The following CCDC179 variants were observed in gnomAD, a reference collection of about 807,000 sequenced individuals.
The protein encoded by CCDC179 is coiled-coil domain containing 179.
Under a neutral mutation model 12.0 loss-of-function variants are expected in CCDC179, and 17 were observed. The observed-to-expected ratio is 1.42, with a 90% CI of 0.97 to 2.13. The LOEUF (loss-of-function observed/expected upper bound fraction) is 2.13, where lower values mean the gene tolerates loss of function less well. CCDC179 is among the 30% of genes most tolerant of loss of function. CCDC179 has a pLI of 0.00. For synonymous variants in CCDC179, 27 were observed against 26.4 expected (o/e 1.02, Z -0.07); for missense variants, 83 against 78.6 (o/e 1.06, Z -0.21).
intron 2 of CCDC179, among the ~76,000 whole-genome samples, chr11:22,859,191 A>T (rs1271259567): frequency 6.6e-6 from 1 of 152,188 alleles, no homozygotes; most frequent in African/African-American, 2.4e-5. Context: ...AATGGGAGGC[A>T]TATTGTAATT....
At chr11:22,853,724 G>A (rs1590191529) in intron 3 of CCDC179, among the ~76,000 whole-genome samples, 1 of 151,006 alleles carries the variant, frequency 6.6e-6, no homozygotes, top group Non-Finnish European at 1.5e-5. Flanking sequence ...GAAAGAAGAA[G>A]GAAGAAGAAA....
At chr11:22,856,177 G>A (rs901669918) in intron 3 of CCDC179, among the ~76,000 whole-genome samples, 5 of 151,382 alleles carry the variant, frequency 3.3e-5, no homozygotes, top group Admixed American at 2.0e-4. Context: ...TGTAAGGTGA[G>A]CATTACCCTA....
At position 22,847,413 on chromosome 11, in the gene CCDC179, A is replaced by T; in HGVS notation, c.*97T>A. 1 of 710,760 alleles carries T rather than the reference A, an allele frequency of 1.4e-6. No homozygotes were observed. The highest frequency in any genetic ancestry group is 2.1e-6 in the Non-Finnish European group (1 of 466,368). 44.0% of individuals were successfully genotyped at this position (710,760 alleles called of 1,614,324 possible). A position where few individuals can be genotyped will look rare whatever the true frequency, so the allele number is the denominator to read the frequency against. ...TCCGAAATGGTGGAGTATTGCATTTATTTTGTGGATGATCAATTCATGATA... is the reference window on the plus strand; with the variant it reads ...TCCGAAATGGTGGAGTATTGCATTTTTTTTGTGGATGATCAATTCATGATA... On this transcript the variant is annotated 3_prime_UTR_variant, in exon 4 of 4. Transcript: ENST00000532798.
intron 3 of CCDC179, among the ~76,000 whole-genome samples, chr11:22,852,448 AG>A (rs1264028610): frequency 6.6e-6 from 1 of 152,218 alleles, no homozygotes; most frequent in Non-Finnish European, 1.5e-5. Flanking sequence ...ATTATTCTGG[AG>A]GTCACAAGAT....
At chr11:22,848,558 G>C (rs7927737) in intron 3 of CCDC179, among the ~76,000 whole-genome samples, 79,605 of 152,040 alleles carry the variant, frequency 0.52, 21,179 homozygotes, top group Middle Eastern at 0.7. Context: ...CTGGGCAAAA[G>C]TTATTTGTCA....
At chr11:22,850,006 G>T (rs556589434) in intron 3 of CCDC179, among the ~76,000 whole-genome samples, 10 of 152,190 alleles carry the variant, frequency 6.6e-5, no homozygotes, top group Non-Finnish European at 1.2e-4. Flanking sequence ...CTCACAGATT[G>T]GTTCACTCAG....
intron 3 of CCDC179, among the ~76,000 whole-genome samples, chr11:22,851,312 T>C (rs1286926069): frequency 6.6e-6 from 1 of 151,986 alleles, no homozygotes; most frequent in African/African-American, 2.4e-5. Flanking sequence ...GTTGAACTTT[T>C]ACTCATAATA....
intron 3 of CCDC179, among the ~76,000 whole-genome samples, chr11:22,853,567 G>A (rs957542535): frequency 1.3e-5 from 2 of 151,146 alleles, no homozygotes; most frequent in African/African-American, 4.9e-5. Context: ...CCAAACTAAC[G>A]GTAAGGAGAA....
At chr11:22,857,204 A>G (rs1196368312) in intron 3 of CCDC179, among the ~76,000 whole-genome samples, 2 of 151,686 alleles carry the variant, frequency 1.3e-5, no homozygotes, top group East Asian at 3.8e-4. Flanking sequence ...AAGTTCCAGA[A>G]AAGCCAACAC....
intron 3 of CCDC179, among the ~76,000 whole-genome samples, chr11:22,854,698 A>G (rs981942297): frequency 6.6e-6 from 1 of 151,850 alleles, no homozygotes; most frequent in Non-Finnish European, 1.5e-5. Context: ...GTCCACAACT[A>G]AAAGACAGTA....
chr11:22,849,401 C>T (rs763802970), intron 3 of CCDC179, among the ~76,000 whole-genome samples: 57 of 152,076 alleles, frequency 3.7e-4, no homozygotes, highest in Non-Finnish European at 3.1e-4. Flanking sequence ...TTTCAGTTGT[C>T]TCTGCAACCT....
chr11:22,859,370 T>C, intron 2 of CCDC179, 82 bp downstream of exon 2: 4 of 865,820 alleles, frequency 4.6e-6, no homozygotes, highest in Non-Finnish European at 6.7e-6. Context: ...AGTTCTATTA[T>C]GTTAGGGACC....
intron 3 of CCDC179, among the ~76,000 whole-genome samples, chr11:22,850,959 TATATATA>T (rs1858370214): frequency 1.5e-4 from 2 of 13,048 alleles, no homozygotes; most frequent in African/African-American, 3.6e-4. Context: ...TATATATATA[TATATATA>T]TATATATATA....
At chr11:22,859,942 TGTTA>T (rs770212386) in intron 1 of CCDC179, among the ~76,000 whole-genome samples, 1 of 152,242 alleles carries the variant, frequency 6.6e-6, no homozygotes, top group Admixed American at 6.5e-5. Flanking sequence ...GGAGCTTGGC[TGTTA>T]GTTTTCGAGA....
intron 3 of CCDC179, among the ~76,000 whole-genome samples, chr11:22,849,907 AGAG>A (rs1237844974): frequency 6.6e-6 from 1 of 152,110 alleles, no homozygotes; most frequent in East Asian, 1.9e-4. Context: ...CTAGTGAGAG[AGAG>A]GAGATTCCTG....
At chr11:22,852,969 G>A (rs1165206467) in intron 3 of CCDC179, among the ~76,000 whole-genome samples, 4 of 152,086 alleles carry the variant, frequency 2.6e-5, no homozygotes, top group Non-Finnish European at 5.9e-5. Flanking sequence ...TTAGTCTCCT[G>A]TATATATCAG....
chr11:22,858,537 C>T (rs1332665793), intron 2 of CCDC179, among the ~76,000 whole-genome samples: 1 of 112,250 alleles, frequency 8.9e-6, no homozygotes, highest in Non-Finnish European at 2.1e-5. Flanking sequence ...ATATGAATAA[C>T]AATAACTTTT....
At chr11:22,860,260 C>G (rs1858631357) in intron 1 of CCDC179, 117 bp downstream of exon 1, 9 of 1,197,254 alleles carry the variant, frequency 7.5e-6, no homozygotes, top group Non-Finnish European at 1.0e-5. Flanking sequence ...TCCCAACCCC[C>G]AGCACCAAAC....
Position 22,847,485 on chromosome 11 carries a change from T to C in CCDC179, c.*25A>G. On this transcript the variant is annotated 3_prime_UTR_variant, in exon 4 of 4. Coordinates refer to ENST00000532798, the MANE Select transcript of CCDC179 (RefSeq NM_001195637.2). Reference sequence around the variant, plus strand: ...CACATATTTCTGTCTGGAGCATGGTTTCCTTCAAATAGACTCCTGCTTTAT... The same window carrying C: ...CACATATTTCTGTCTGGAGCATGGTCTCCTTCAAATAGACTCCTGCTTTAT... The C allele has an allele frequency of 7.1e-7, 1 of 1,415,886 alleles. No individual in the cohort carries two copies. Among genetic ancestry groups the C allele is most frequent in the Non-Finnish European group, 9.4e-7 (1 of 1,064,252 alleles). 87.7% of individuals were successfully genotyped at this position (1,415,886 alleles called of 1,614,324 possible).
Sources: allele counts gnomAD v4.1 joint callset (sites outside exome capture counted in the v4.1 genomes callset), GRCh38; gene constraint gnomAD v4.1.1; transcripts MANE v1.5; gene names NCBI Gene and HGNC (gene_info 2026-07-23, HGNC 2026-07-21).